TBC1D15: variants seen among roughly 807,000 people sequenced by gnomAD.
The protein encoded by TBC1D15 is GAP for RAB7.
In TBC1D15, 39 loss-of-function variants were observed where a neutral mutation model predicts 95.4. The ratio of observed to expected loss-of-function variants is 0.41; its 90% CI spans 0.32 to 0.53. TBC1D15 has a LOEUF of 0.53. Ranked by LOEUF, TBC1D15 falls within the 20% of genes least tolerant of loss-of-function variation. TBC1D15 has a pLI of 0.29. For missense variants in TBC1D15, 733 were observed against 794.3 expected, an observed-to-expected ratio of 0.92 and a Z score of 0.93; for synonymous variants, 258 against 261.3, an observed-to-expected ratio of 0.99 and a Z score of 0.12.
intron 1 of TBC1D15, among the ~76,000 whole-genome samples, 178 bp downstream of exon 1, chr12:71,839,989 G>C (rs1184610621): frequency 6.6e-6 from 1 of 152,166 alleles, no homozygotes; most frequent in Non-Finnish European, 1.5e-5. Context: ...GTTCAGCCGC[G>C]GAGTTATAGA....
At chr12:71,872,884 A>G in intron 2 of TBC1D15, 45 bp from the exon 3 acceptor site, 3 of 1,375,396 alleles carry the variant, frequency 2.2e-6, no homozygotes, top group Non-Finnish European at 3.0e-6. Flanking sequence ...ATTAAGAATA[A>G]CATATTGCTG....
intron 5 of TBC1D15, among the ~76,000 whole-genome samples, chr12:71,891,736 TAAAAAA>T (rs1897239349): frequency 6.6e-6 from 1 of 152,144 alleles, no homozygotes; most frequent in Non-Finnish European, 1.5e-5. Flanking sequence ...AATTTCTTTT[TAAAAAA>T]TATTTGTGGT....
At chr12:71,859,183 T>C (rs1194739579) in intron 1 of TBC1D15, among the ~76,000 whole-genome samples, 1 of 152,154 alleles carries the variant, frequency 6.6e-6, no homozygotes, top group Non-Finnish European at 1.5e-5. Context: ...TGGGCCAAGA[T>C]TGAGGATTGC....
chr12:71,864,574 C>G lies in TBC1D15; in HGVS notation c.31-7496C>G, dbSNP rs760195034. 1.1e-4 allele frequency among the ~76,000 whole-genome samples: 17 copies of G among 151,540 alleles called. No homozygotes were observed. The Middle Eastern group carries it at 0.01, about 93-fold the overall frequency. ...CCAGGCAGGAGTGCAGTGGCATGATCTTGGCTGACTGTAATCTCTGCCTCC... is the reference window on the plus strand; with the variant it reads ...CCAGGCAGGAGTGCAGTGGCATGATGTTGGCTGACTGTAATCTCTGCCTCC... On this transcript the variant is annotated intron_variant, in intron 1 of 16. Coordinates refer to ENST00000485960, the MANE Select transcript of TBC1D15 (RefSeq NM_001146213.3).
chr12:71,889,192 A>G (rs573989256), intron 5 of TBC1D15, among the ~76,000 whole-genome samples: 1 of 152,286 alleles, frequency 6.6e-6, no homozygotes, highest in East Asian at 1.9e-4. Flanking sequence ...TTCTCTTCTC[A>G]TTAGGCTTAA....
At chr12:71,873,442 AAT>A (rs1893114197) in intron 3 of TBC1D15, among the ~76,000 whole-genome samples, 1 of 152,150 alleles carries the variant, frequency 6.6e-6, no homozygotes, top group Admixed American at 6.5e-5. Context: ...TGTTTTGTCT[AAT>A]AGTGTATATA....
chr12:71,861,931 T>C (rs148968763), intron 1 of TBC1D15, among the ~76,000 whole-genome samples: 1 of 152,310 alleles, frequency 6.6e-6, no homozygotes, highest in East Asian at 1.9e-4. Flanking sequence ...ACTTAATTTC[T>C]TCTTTGGCCC....
intron 5 of TBC1D15, among the ~76,000 whole-genome samples, chr12:71,891,017 A>G (rs932157440): frequency 8.5e-5 from 13 of 152,210 alleles, no homozygotes; most frequent in African/African-American, 3.1e-4. Context: ...AATTTGTTGT[A>G]TCATCAAACA....
chr12:71,859,732 C>T lies in TBC1D15; in HGVS notation c.31-12338C>T, dbSNP rs144169978. The stretch of plus-strand genomic sequence containing the variant: ...AAGCGATTCTTCTGCCTCAGCCTCC[C>T]GAGTAGTTGGGATTACAGGCACCTA... On this transcript the variant is annotated intron_variant, in intron 1 of 16. Coordinates refer to ENST00000485960, the MANE Select transcript of TBC1D15 (RefSeq NM_001146213.3). Among the ~76,000 whole-genome samples the T allele has an allele frequency of 7.8e-4, 119 of 152,152 alleles. 1 individual carries two copies. In the East Asian group the frequency reaches 0.02, roughly 26 times the overall value.
intron 3 of TBC1D15, among the ~76,000 whole-genome samples, chr12:71,875,884 A>C (rs968085782): frequency 6.6e-6 from 1 of 151,454 alleles, no homozygotes; most frequent in Non-Finnish European, 1.5e-5. Context: ...TGAAATCTCC[A>C]CCTCCTGGGT....
chr12:71,875,230 CT>C (rs1168023872), intron 3 of TBC1D15, among the ~76,000 whole-genome samples: 1 of 152,104 alleles, frequency 6.6e-6, no homozygotes, highest in African/African-American at 2.4e-5. Context: ...AGTTACTTGT[CT>C]TTTTATTGTT....
At chr12:71,879,176 A>G (rs1343354973) in intron 3 of TBC1D15, among the ~76,000 whole-genome samples, 1 of 147,898 alleles carries the variant, frequency 6.8e-6, no homozygotes, top group African/African-American at 2.5e-5. Flanking sequence ...CTTGTCACCT[A>G]GGCTGGAGTG....
chr12:71,922,390 T>C (rs1251156045), intron 16 of TBC1D15, among the ~76,000 whole-genome samples: 1 of 146,694 alleles, frequency 6.8e-6, no homozygotes, highest in African/African-American at 2.6e-5. Context: ...CGGCCATGAC[T>C]GCATTTTTTT....
At chr12:71,870,750 G>A (rs538522777) in intron 1 of TBC1D15, among the ~76,000 whole-genome samples, 1 of 152,290 alleles carries the variant, frequency 6.6e-6, no homozygotes, top group East Asian at 1.9e-4. Flanking sequence ...TCCCAATGAT[G>A]TAGTAGAATG....
intron 1 of TBC1D15, chr12:71,849,408 A>G: frequency 5.1e-6 from 7 of 1,364,604 alleles, no homozygotes; most frequent in East Asian, 4.6e-5. Context: ...TCCCATGAAC[A>G]TAATTCCTGT....
chr12:71,849,882 G>T, intron 1 of TBC1D15: 1 of 573,070 alleles, frequency 1.7e-6, no homozygotes, highest in Non-Finnish European at 3.4e-6. Context: ...AGAATGTTTG[G>T]GGTCCACCAA....
chr12:71,912,288 C>T (rs17719005), intron 11 of TBC1D15, among the ~76,000 whole-genome samples: 3,040 of 152,162 alleles, frequency 0.02, 51 homozygotes, highest in Non-Finnish European at 0.032. Flanking sequence ...GCTTTTTTCT[C>T]TAAATGTCTT....
chr12:71,893,461 C>A, intron 6 of TBC1D15, 137 bp downstream of exon 6: 3 of 418,250 alleles, frequency 7.2e-6, no homozygotes, highest in Non-Finnish European at 1.2e-5. Context: ...TGTGTGTAAT[C>A]TTTTTGGAAC....
At chr12:71,917,067 G>C (rs1903876968) in intron 12 of TBC1D15, among the ~76,000 whole-genome samples, 1 of 151,778 alleles carries the variant, frequency 6.6e-6, no homozygotes, top group Admixed American at 6.6e-5. Flanking sequence ...CGACACAAGA[G>C]ATTGTTTTAA....
Sources: gnomAD v4.1 joint callset for allele counts (sites outside exome capture counted in the v4.1 genomes callset) on GRCh38, gnomAD v4.1.1 for gene constraint, MANE v1.5 for transcripts, NCBI Gene and HGNC (gene_info 2026-07-23, HGNC 2026-07-21) for gene names.